EPM2A: variants seen among roughly 807,000 people sequenced by gnomAD.
The protein encoded by EPM2A is laforin.
A neutral mutation model predicts 26.5 loss-of-function variants in EPM2A; 21 were observed. The ratio of observed to expected loss-of-function variants is 0.79; its 90% confidence interval spans 0.56 to 1.14. The LOEUF is 1.14. EPM2A is among the 50% of genes most tolerant of loss of function. EPM2A has a pLI of 0.00. For synonymous variants in EPM2A, 217 were observed against 177.6 expected, an observed-to-expected ratio of 1.22 and a Z score of -1.76; for missense variants, 458 against 440.8, an observed-to-expected ratio of 1.04 and a Z score of -0.35.
intron 2 of EPM2A, among the ~76,000 whole-genome samples, chr6:145,685,648 G>A (rs1780851004): frequency 6.6e-6 from 1 of 152,084 alleles, no homozygotes; most frequent in Non-Finnish European, 1.5e-5. Context: ...GGAATTAAAT[G>A]AACAAATAAA....
intron 2 of EPM2A, among the ~76,000 whole-genome samples, chr6:145,620,230 C>T (rs149408822): frequency 1.2e-3 from 179 of 152,292 alleles, no homozygotes; most frequent in Middle Eastern, 0.01. Flanking sequence ...CTCAGATCAT[C>T]GTGCATTAGA....
upstream of EPM2A, chr6:145,735,560 G>A (rs937866349): frequency 2.6e-4 from 293 of 1,123,198 alleles, no homozygotes; most frequent in Non-Finnish European, 3.1e-4. Context: ...GGCGCGGCCC[G>A]AGCACTAGGC....
rs114562437 is a variant in EPM2A, at chr6:145,393,730, T to G, written c.556-9633A>C. Among the ~76,000 whole-genome samples the G allele has an allele frequency of 8.0e-3, 1,219 of 152,264 alleles. 12 individuals are homozygous for G. Among genetic ancestry groups the G allele is most frequent in the African/African-American group, 0.028 (1,175 of 41,550 alleles). The stretch of plus-strand genomic sequence containing the variant: ...GTGGGGGCTGACCAGTGACTGTTCC[T>G]TAGAATCTAGGTTCCCCATAAGAGC... On this transcript the variant is annotated intron_variant, in intron 4 of 4. Coordinates refer to the EPM2A transcript ENST00000638717.
intron 1 of EPM2A, among the ~76,000 whole-genome samples, chr6:145,703,303 G>A (rs1462575644): frequency 6.6e-6 from 1 of 151,960 alleles, no homozygotes; most frequent in Non-Finnish European, 1.5e-5. Context: ...GTGTTAGCCA[G>A]GGTGGTCTCG....
chr6:145,432,877 G>A (rs146422847), intron 4 of EPM2A, among the ~76,000 whole-genome samples: 119 of 152,248 alleles, frequency 7.8e-4, no homozygotes, highest in African/African-American at 2.7e-3. Context: ...CTTATAATCA[G>A]CAATTGCTTT....
intron 1 of EPM2A, among the ~76,000 whole-genome samples, chr6:145,724,212 A>G (rs979554963): frequency 2.0e-5 from 3 of 152,142 alleles, no homozygotes; most frequent in African/African-American, 4.8e-5. Context: ...AAATTCTATG[A>G]AACAATGGAA....
Position 145,570,602 on chromosome 6 carries a change from GT to G in EPM2A, c.340+64642del, listed in dbSNP as rs1780941773. Among the ~76,000 whole-genome samples the G allele has an allele frequency of 1.3e-5, 2 of 152,212 alleles. 1 individual carries two copies. Among genetic ancestry groups the G allele is most frequent in the South Asian group, 4.1e-4 (2 of 4,830 alleles). ...GCAGCTGGTCATGTGGTTGTAGCTG[GT>G]ATTGATGACTGCCTTCTTCTACTAC... On this transcript the variant is annotated intron_variant, in intron 2 of 3. Coordinates refer to the EPM2A transcript ENST00000450221.
At chr6:145,559,680 T>C (rs1443389359) in intron 2 of EPM2A, among the ~76,000 whole-genome samples, 1 of 151,176 alleles carries the variant, frequency 6.6e-6, no homozygotes, top group Non-Finnish European at 1.5e-5. Flanking sequence ...TCCTTTTTTT[T>C]TTTTTTTTTT....
intron 1 of EPM2A, among the ~76,000 whole-genome samples, chr6:145,707,936 G>C (rs1782316358): frequency 6.6e-6 from 1 of 152,200 alleles, no homozygotes; most frequent in African/African-American, 2.4e-5. Flanking sequence ...GAACTTCCCA[G>C]AGACTTGTTG....
chr6:145,587,390 T>G (rs377499549), intron 2 of EPM2A, among the ~76,000 whole-genome samples: 2 of 152,344 alleles, frequency 1.3e-5, no homozygotes, highest in East Asian at 3.9e-4. Flanking sequence ...TTATTCCTCA[T>G]GCAGGAAGAG....
At chr6:145,470,550 T>C (rs1259515036) in intron 4 of EPM2A, among the ~76,000 whole-genome samples, 1 of 152,182 alleles carries the variant, frequency 6.6e-6, no homozygotes, top group African/African-American at 2.4e-5. Context: ...TTAAAAACAC[T>C]TTTGACTGTG....
At chr6:145,483,597 A>G (rs569151050) in intron 4 of EPM2A, among the ~76,000 whole-genome samples, 105 of 152,284 alleles carry the variant, frequency 6.9e-4, no homozygotes, top group African/African-American at 2.4e-3. Context: ...TCATCCAGAG[A>G]TAAAATGTGT....
intron 4 of EPM2A, among the ~76,000 whole-genome samples, chr6:145,405,981 T>TACACACACACACACACAC (rs56700058): frequency 2.0e-5 from 3 of 146,504 alleles, no homozygotes; most frequent in African/African-American, 7.6e-5. Flanking sequence ...TGGAGATACC[T>TACACACACACACACACAC]ACACACACAC....
intron 2 of EPM2A, among the ~76,000 whole-genome samples, chr6:145,543,711 A>G (rs1780545705): frequency 6.6e-6 from 1 of 152,184 alleles, no homozygotes; most frequent in Admixed American, 6.5e-5. Context: ...ATACTAAGAC[A>G]TTGACTGTAT....
rs190619469 is a variant in EPM2A at position 145,533,881 on chromosome 6, C to A, written c.341-31306G>T. On this transcript the variant is annotated intron_variant, in intron 2 of 3. Coordinates refer to the EPM2A transcript ENST00000450221. Reference sequence around the variant, plus strand: ...CTCTCTATCTCTAAAACATAAGATTCAGGATAGATTGCATCTTGAGCTACC... The same window carrying A: ...CTCTCTATCTCTAAAACATAAGATTAAGGATAGATTGCATCTTGAGCTACC... 2.3e-3 allele frequency among the ~76,000 whole-genome samples: 354 copies of A among 152,044 alleles called. 2 individuals carry two copies. Among genetic ancestry groups the A allele is most frequent in the African/African-American group, 8.3e-3 (346 of 41,464 alleles).
intron 4 of EPM2A, among the ~76,000 whole-genome samples, chr6:145,478,222 A>T (rs1053511648): frequency 2.0e-5 from 3 of 151,862 alleles, no homozygotes; most frequent in Admixed American, 1.3e-4. Context: ...TAACCAAAGA[A>T]GTGAATGATC....
At chr6:145,715,747 T>C (rs1286493363) in intron 1 of EPM2A, among the ~76,000 whole-genome samples, 2 of 152,144 alleles carry the variant, frequency 1.3e-5, no homozygotes, top group Non-Finnish European at 2.9e-5. Context: ...GGGAGACATC[T>C]AGGTTGTGGG....
intron 2 of EPM2A, among the ~76,000 whole-genome samples, chr6:145,514,169 G>A (rs927508267): frequency 6.6e-6 from 1 of 152,216 alleles, no homozygotes; most frequent in African/African-American, 2.4e-5. Flanking sequence ...AGTGGAGTAT[G>A]CGGATATTTG....
chr6:145,735,444 C>G lies in EPM2A; in HGVS notation c.55G>C (p.Glu19Gln). Residue 19 changes from glutamate (E) to glutamine (Q), a missense_variant, in exon 1 of 4, where the codon GAG becomes CAG. By Grantham distance (29) the Glu-to-Gln change is conservative (BLOSUM62 2). Coordinates refer to ENST00000367519, the MANE Select transcript of EPM2A (RefSeq NM_005670.4). The part of the protein sequence containing the change: ...VPPAVAGARP[E>Q]LLVVGSRPEL... ...GGCCGCGACCCCACCACCAGCAGCTCCGGCCGGGCGCCGGCCACGGCGGGT... is the reference window on the plus strand; with the variant it reads ...GGCCGCGACCCCACCACCAGCAGCTGCGGCCGGGCGCCGGCCACGGCGGGT... The G allele has an allele frequency of 2.4e-6, 3 of 1,248,770 alleles. No individual in the cohort carries two copies. Among genetic ancestry groups the G allele is most frequent in the East Asian group, 3.6e-5 (1 of 27,702 alleles). 77.4% of individuals were successfully genotyped at this position (1,248,770 alleles called of 1,614,324 possible).
Sources: allele counts gnomAD v4.1 joint callset (sites outside exome capture counted in the v4.1 genomes callset), GRCh38; gene constraint gnomAD v4.1.1; transcripts MANE v1.5; gene names NCBI Gene and HGNC (gene_info 2026-07-23, HGNC 2026-07-21).